The following SYNPR variants were observed in gnomAD, a reference collection of about 807,000 sequenced individuals.
SYNPR encodes the protein synaptoporin.
Under a neutral mutation model 32.9 loss-of-function variants are expected in SYNPR, and 23 were observed. The ratio of observed to expected loss-of-function variants is 0.70; its 90% CI spans 0.50 to 0.99. SYNPR has a LOEUF of 0.99. Ranked by LOEUF, SYNPR falls within the 50% of genes least tolerant of loss-of-function variation. The pLI is 0.00. For missense variants in SYNPR, 318 were observed against 349.3 expected (o/e 0.91, Z 0.71); for synonymous variants, 146 against 135.9 (o/e 1.07, Z -0.52).
intron 2 of SYNPR, among the ~76,000 whole-genome samples, chr3:63,468,194 C>CAAA (rs552378431): frequency 9.9e-5 from 8 of 80,822 alleles, no homozygotes; most frequent in East Asian, 7.0e-4. Flanking sequence ...AACTCCATCT[C>CAAA]AAAAAAAAAA....
intron 2 of SYNPR, among the ~76,000 whole-genome samples, chr3:63,393,902 AGAC>A (rs2088177124): frequency 6.6e-6 from 1 of 152,008 alleles, no homozygotes; most frequent in Non-Finnish European, 1.5e-5. Flanking sequence ...GTTGTTGGAG[AGAC>A]ATTTCTGTTT....
chr3:63,571,743 A>G (rs1255449426), intron 4 of SYNPR, among the ~76,000 whole-genome samples: 1 of 152,306 alleles, frequency 6.6e-6, no homozygotes, highest in Non-Finnish European at 1.5e-5. Context: ...TTGATGATAC[A>G]TGAACGTATT....
intron 2 of SYNPR, among the ~76,000 whole-genome samples, chr3:63,451,705 A>C (rs1700382747): frequency 6.6e-6 from 1 of 152,098 alleles, no homozygotes; most frequent in African/African-American, 2.4e-5. Flanking sequence ...AGGGGAATTG[A>C]CAAGTCATAA....
chr3:63,519,231 G>T (rs914422302), intron 3 of SYNPR, among the ~76,000 whole-genome samples: 1 of 152,034 alleles, frequency 6.6e-6, no homozygotes, highest in Non-Finnish European at 1.5e-5. Flanking sequence ...TTTTTTCATA[G>T]AGTACACAGG....
chr3:63,471,924 G>A (rs1700807799), intron 2 of SYNPR, among the ~76,000 whole-genome samples: 1 of 152,142 alleles, frequency 6.6e-6, no homozygotes, highest in Non-Finnish European at 1.5e-5. Context: ...TTAGGAGGAG[G>A]AACTTGTCAA....
chr3:63,469,901 A>C (rs1393477133), intron 2 of SYNPR, among the ~76,000 whole-genome samples: 1 of 150,254 alleles, frequency 6.7e-6, no homozygotes, highest in Non-Finnish European at 1.5e-5. Flanking sequence ...GGATTTCTTT[A>C]ACTTTACATT....
chr3:63,482,295 AG>A (rs1701064015), intron 3 of SYNPR, among the ~76,000 whole-genome samples: 1 of 152,230 alleles, frequency 6.6e-6, no homozygotes, highest in Non-Finnish European at 1.5e-5. Context: ...CATCTATAGC[AG>A]CCCCCTCATT....
intron 2 of SYNPR, among the ~76,000 whole-genome samples, chr3:63,298,418 G>A (rs527788034): frequency 2.0e-5 from 3 of 152,206 alleles, no homozygotes; most frequent in Non-Finnish European, 4.4e-5. Context: ...AGGGTAATTT[G>A]TTAGGAAATG....
At chr3:63,503,557 G>T (rs1478687780) in intron 3 of SYNPR, among the ~76,000 whole-genome samples, 2 of 151,916 alleles carry the variant, frequency 1.3e-5, no homozygotes, top group Non-Finnish European at 2.9e-5. Context: ...CTTTTTTACT[G>T]TTTTTTGTTT....
At chr3:63,420,733 A>G (rs1699778829) in intron 2 of SYNPR, among the ~76,000 whole-genome samples, 1 of 152,218 alleles carries the variant, frequency 6.6e-6, no homozygotes, top group African/African-American at 2.4e-5. Flanking sequence ...AGGATATCAA[A>G]CAAAGACAAT....
intron 4 of SYNPR, among the ~76,000 whole-genome samples, chr3:63,563,173 T>A (rs1187988632): frequency 6.6e-6 from 1 of 152,192 alleles, no homozygotes; most frequent in East Asian, 1.9e-4. Flanking sequence ...TGCACCTTCT[T>A]ATCCCCAAGT....
At chr3:63,597,208 C>A (rs928506744) in intron 4 of SYNPR, among the ~76,000 whole-genome samples, 1 of 152,054 alleles carries the variant, frequency 6.6e-6, no homozygotes, top group Non-Finnish European at 1.5e-5. Flanking sequence ...GCTCTTACCA[C>A]CAGGGCCACA....
At chr3:63,295,751 C>T (rs2367788) in intron 2 of SYNPR, among the ~76,000 whole-genome samples, 70,749 of 152,094 alleles carry the variant, frequency 0.47, 16,643 homozygotes, top group Middle Eastern at 0.52. Context: ...TTGTATAAAT[C>T]GAAACCACAG....
At chr3:63,223,460 G>T (rs1443563012), upstream of SYNPR, among the ~76,000 whole-genome samples, 4 of 151,938 alleles carry the variant, frequency 2.6e-5, no homozygotes, top group African/African-American at 9.7e-5. Context: ...ATGAGACCTG[G>T]TGGGAGACGG....
rs375763322 is a variant in SYNPR at position 63,415,627 on chromosome 3, T to A, written c.85-65205T>A. On this transcript the variant is annotated intron_variant, in intron 2 of 5. Coordinates refer to ENST00000478300, the MANE Select transcript of SYNPR (RefSeq NM_001130003.2). The stretch of plus-strand genomic sequence containing the variant: ...ATGTAACCAAATCAACGCGGCTGTT[T>A]TCCAATAAAAATTCAAGAAAAACAG... Among the ~76,000 whole-genome samples, 14 of 152,300 alleles carry A rather than the reference T, an allele frequency of 9.2e-5. No homozygotes were observed. The East Asian group carries it at 2.5e-3, about 27-fold the overall frequency.
At chr3:63,535,663 A>G (rs556306320) in intron 3 of SYNPR, among the ~76,000 whole-genome samples, 9 of 149,008 alleles carry the variant, frequency 6.0e-5, no homozygotes, top group African/African-American at 2.2e-4. Flanking sequence ...TAAGAGTACA[A>G]GGCATATTAA....
intron 3 of SYNPR, among the ~76,000 whole-genome samples, chr3:63,513,414 T>C (rs905167096): frequency 3.9e-5 from 6 of 152,102 alleles, no homozygotes; most frequent in African/African-American, 1.2e-4. Flanking sequence ...CTTTAAAATG[T>C]ATTTTAAAGA....
chr3:63,447,986 C>T (rs1700309301), intron 2 of SYNPR, among the ~76,000 whole-genome samples: 1 of 141,310 alleles, frequency 7.1e-6, no homozygotes, highest in South Asian at 2.6e-4. Flanking sequence ...CTTATTTAGC[C>T]TTGCCTACAG....
At chr3:63,322,736 G>A (rs886964884) in intron 2 of SYNPR, among the ~76,000 whole-genome samples, 12 of 152,008 alleles carry the variant, frequency 7.9e-5, no homozygotes, top group African/African-American at 2.9e-4. Context: ...TCTGTGTGGG[G>A]CCAAAGACAT....
Sources: gnomAD v4.1 joint callset for allele counts (sites outside exome capture counted in the v4.1 genomes callset) on GRCh38, gnomAD v4.1.1 for gene constraint, MANE v1.5 for transcripts, NCBI Gene and HGNC (gene_info 2026-07-23, HGNC 2026-07-21) for gene names.